Variants in SH2D4A observed in about 807,000 individuals in gnomAD.
SH2D4A encodes the protein SH2 domain-containing protein 4A.
In SH2D4A, 70 loss-of-function variants were observed where a neutral mutation model predicts 64.7. The ratio of observed to expected loss-of-function variants is 1.08; its 90% CI spans 0.89 to 1.32. The LOEUF (loss-of-function observed/expected upper bound fraction) is 1.32, where lower values mean the gene tolerates loss of function less well. Ranked by LOEUF, SH2D4A falls within the 40% of genes most tolerant of loss-of-function variation. The pLI is 0.00. For missense variants in SH2D4A, 706 were observed against 540.1 expected (o/e 1.31, Z -3.04); for synonymous variants, 268 against 200.7 (o/e 1.34, Z -2.83).
chr8:19,391,556 C>T (rs950789361), intron 8 of SH2D4A, among the ~76,000 whole-genome samples: 5 of 152,160 alleles, frequency 3.3e-5, no homozygotes, highest in African/African-American at 1.2e-4. Context: ...GGGAGACTGG[C>T]CTTTTCACCC....
Position 19,320,788 on chromosome 8 carries a change from C to T in SH2D4A, c.181+1060C>T, listed in dbSNP as rs149986752. Among the ~76,000 whole-genome samples the T allele has an allele frequency of 5.5e-3, 838 of 152,268 alleles. 7 individuals are homozygous for T. Among genetic ancestry groups the T allele is most frequent in the African/African-American group, 0.019 (778 of 41,548 alleles). The stretch of plus-strand genomic sequence containing the variant: ...GGTGAATACCAAAGTTGTGAAAACA[C>T]AGCACACTTTTCAAGGTCACTTGCA... On this transcript the variant is annotated intron_variant, in intron 2 of 9. Coordinates refer to ENST00000265807, the MANE Select transcript of SH2D4A (RefSeq NM_022071.4).
intron 4 of SH2D4A, among the ~76,000 whole-genome samples, chr8:19,344,979 G>T (rs1387722650): frequency 6.6e-6 from 1 of 152,176 alleles, no homozygotes; most frequent in African/African-American, 2.4e-5. Context: ...GATAAGGAAT[G>T]GTGGGCCTTC....
intron 4 of SH2D4A, among the ~76,000 whole-genome samples, chr8:19,352,020 T>G (rs926954877): frequency 6.6e-6 from 1 of 152,196 alleles, no homozygotes; most frequent in Non-Finnish European, 1.5e-5. Flanking sequence ...TGATCTCAGG[T>G]GATCCGCCTG....
intron 4 of SH2D4A, among the ~76,000 whole-genome samples, chr8:19,348,246 C>A (rs996970046): frequency 1.8e-4 from 27 of 152,106 alleles, no homozygotes; most frequent in Non-Finnish European, 2.8e-4. Flanking sequence ...CAGATGCATG[C>A]TCCCATGCCC....
At chr8:19,375,977 C>A (rs2053189306) in intron 8 of SH2D4A, among the ~76,000 whole-genome samples, 1 of 152,164 alleles carries the variant, frequency 6.6e-6, no homozygotes, top group Non-Finnish European at 1.5e-5. Context: ...GCCACTGTAC[C>A]TGCCTCGGTC....
intron 8 of SH2D4A, among the ~76,000 whole-genome samples, chr8:19,377,460 T>C (rs887341440): frequency 2.0e-5 from 3 of 152,218 alleles, no homozygotes; most frequent in Non-Finnish European, 4.4e-5. Flanking sequence ...CCTTGTATCC[T>C]TCACTGCTCT....
intron 2 of SH2D4A, among the ~76,000 whole-genome samples, chr8:19,328,451 T>C (rs2052318533): frequency 6.6e-6 from 1 of 152,222 alleles, no homozygotes. Context: ...GTTTCAGGAT[T>C]CTGGCATCAT....
intron 4 of SH2D4A, among the ~76,000 whole-genome samples, chr8:19,339,007 C>A (rs924646659): frequency 2.2e-4 from 33 of 152,226 alleles, no homozygotes; most frequent in African/African-American, 7.0e-4. Flanking sequence ...CAAGCCGGTA[C>A]AAGTCCCCAA....
At chr8:19,370,469 C>G (rs2053076217) in intron 7 of SH2D4A, among the ~76,000 whole-genome samples, 1 of 151,964 alleles carries the variant, frequency 6.6e-6, no homozygotes, top group Non-Finnish European at 1.5e-5. Flanking sequence ...GTATTGAACT[C>G]TTTATTATTG....
chr8:19,326,390 A>G (rs1157750620), intron 2 of SH2D4A, among the ~76,000 whole-genome samples: 1 of 152,152 alleles, frequency 6.6e-6, no homozygotes, highest in African/African-American at 2.4e-5. Flanking sequence ...TCCACTTGGG[A>G]CAATATGGCA....
At chr8:19,323,619 G>A (rs2052226957) in intron 2 of SH2D4A, among the ~76,000 whole-genome samples, 1 of 152,176 alleles carries the variant, frequency 6.6e-6, no homozygotes, top group Non-Finnish European at 1.5e-5. Flanking sequence ...GACCTTAGGT[G>A]ATCCACCTGC....
chr8:19,319,660 G>T lies in SH2D4A; in HGVS notation c.113G>T (p.Arg38Leu). The change falls in exon 2 of 10, where the codon CGA becomes CTA. Residue 38 changes from arginine (R) to leucine (L), a missense_variant. Arg to Leu is a moderately radical substitution (Grantham distance 102). Transcript: ENST00000265807. ...AAGATGAGAGAGGAACAGATCCGAC[G>T]ATGGAAAGAAAGAGAAGCAGCTATG... The part of the protein sequence containing the change: ...FFKMREEQIR[R>L]WKEREAAMER... 1.9e-6 allele frequency: 3 copies of T among 1,611,328 alleles called. No individual in the cohort carries two copies. Among genetic ancestry groups the T allele is most frequent in the Middle Eastern group, 1.7e-4 (1 of 6,050 alleles).
chr8:19,388,471 C>T lies in SH2D4A; in HGVS notation c.1049-4847C>T, dbSNP rs533457108. On this transcript the variant is annotated intron_variant, in intron 8 of 9. Coordinates refer to ENST00000265807, the MANE Select transcript of SH2D4A (RefSeq NM_022071.4). ...GTCCAATTCCAGTGCTTCTCCTGAC[C>T]TACCCAAATGACCTTAAGCAGGGTT... 2.0e-5 allele frequency among the ~76,000 whole-genome samples: 3 copies of T among 152,302 alleles called. No homozygotes were observed. In the South Asian group the frequency reaches 6.2e-4, roughly 32 times the overall value.
intron 6 of SH2D4A, among the ~76,000 whole-genome samples, chr8:19,362,167 C>T (rs764659937): frequency 6.6e-6 from 1 of 152,170 alleles, no homozygotes; most frequent in Non-Finnish European, 1.5e-5. Context: ...AGTCCCATTA[C>T]AACCAATGCC....
At chr8:19,370,382 G>A (rs1296527217) in intron 7 of SH2D4A, among the ~76,000 whole-genome samples, 1 of 151,946 alleles carries the variant, frequency 6.6e-6, no homozygotes, top group Non-Finnish European at 1.5e-5. Flanking sequence ...TTCTATGTAG[G>A]TATATTAATA....
At chr8:19,317,091 C>G (rs2052101401) in intron 1 of SH2D4A, among the ~76,000 whole-genome samples, 2 of 152,280 alleles carry the variant, frequency 1.3e-5, no homozygotes, top group South Asian at 4.1e-4. Context: ...CAGCAGAAGT[C>G]TCAACCCCAG....
At chr8:19,358,050 C>T (rs975409864) in intron 5 of SH2D4A, among the ~76,000 whole-genome samples, 2 of 152,166 alleles carry the variant, frequency 1.3e-5, no homozygotes, top group South Asian at 2.1e-4. Context: ...TTCAAGAAAT[C>T]AGGATGAAGT....
chr8:19,336,236 T>C (rs2052443404), intron 4 of SH2D4A, among the ~76,000 whole-genome samples: 1 of 152,228 alleles, frequency 6.6e-6, no homozygotes, highest in South Asian at 2.1e-4. Context: ...CCCAGGCTAT[T>C]CCTTAAATAT....
chr8:19,315,728 A>C (rs1447875424), intron 1 of SH2D4A, among the ~76,000 whole-genome samples: 1 of 152,156 alleles, frequency 6.6e-6, no homozygotes, highest in Non-Finnish European at 1.5e-5. Context: ...GCTGCCCTTG[A>C]TATAGTATGG....
Sources: allele counts gnomAD v4.1 joint callset (sites outside exome capture counted in the v4.1 genomes callset), GRCh38; gene constraint gnomAD v4.1.1; transcripts MANE v1.5; gene names NCBI Gene and HGNC (gene_info 2026-07-23, HGNC 2026-07-21).